Variants in DNAJB4 observed in about 807,000 individuals in gnomAD.
The protein encoded by DNAJB4 is dnaJ homolog subfamily B member 4.
DNAJB4 carries 10 observed loss-of-function variants against 26.6 expected under a neutral mutation model. The ratio of observed to expected loss-of-function variants is 0.38; its 90% CI spans 0.23 to 0.64. The LOEUF is 0.64. Ranked by LOEUF, DNAJB4 falls within the 30% of genes least tolerant of loss-of-function variation. The probability of loss-of-function intolerance (pLI) is 0.58; values close to 1 mark genes in which losing one functional copy is unlikely to be tolerated. For missense variants in DNAJB4, 328 were observed against 408.2 expected (o/e 0.80, Z 1.69); for synonymous variants, 136 against 134.8 (o/e 1.01, Z -0.06).
chr1:77,988,117 T>C (rs1659843887), intron 1 of DNAJB4, among the ~76,000 whole-genome samples: 1 of 147,238 alleles, frequency 6.8e-6, no homozygotes, highest in South Asian at 2.2e-4. Flanking sequence ...CTCAAACTCC[T>C]GTGCTCAAGC....
Position 78,013,630 on chromosome 1 carries a change from A to G in DNAJB4, c.780+11A>G, listed in dbSNP as rs774863543. ...ATTAGTTTACGAGAGGTAAGTTGGT[A>G]GGACCTAAAATCCTAAGACCAAATA... On this transcript the variant is annotated intron_variant, in intron 2 of 2. Coordinates refer to ENST00000370763, the MANE Select transcript of DNAJB4 (RefSeq NM_007034.5). The G allele has an allele frequency of 6.4e-7, 1 of 1,551,718 alleles. No individual in the cohort carries two copies. Among genetic ancestry groups the G allele is most frequent in the Non-Finnish European group, 8.6e-7 (1 of 1,156,300 alleles).
intron 1 of DNAJB4, chr1:77,980,340 TGTG>T (rs1246281124): frequency 6.3e-5 from 3 of 47,746 alleles, no homozygotes; most frequent in African/African-American, 4.0e-4. Context: ...TATATATATA[TGTG>T]TGTGTGTGTG....
At position 78,013,636 on chromosome 1, in the gene DNAJB4, T is replaced by A; in HGVS notation, c.780+17T>A. 1 of 1,534,022 alleles carries A rather than the reference T, an allele frequency of 6.5e-7. No homozygotes were observed. The highest frequency in any genetic ancestry group is 2.0e-5 in the Admixed American group (1 of 49,694). On this transcript the variant is annotated intron_variant, in intron 2 of 2. Transcript: ENST00000370763. ...TTACGAGAGGTAAGTTGGTAGGACC[T>A]AAAATCCTAAGACCAAATAATTATG...
At chr1:78,012,083 TAATTTATATACTTCAGCATGCCA>T in intron 1 of DNAJB4, among the ~76,000 whole-genome samples, 1 of 149,248 alleles carries the variant, frequency 6.7e-6, no homozygotes, top group Non-Finnish European at 1.5e-5. Flanking sequence ...GATACTTATA[TAATTTATATACTTCAGCATGCCA>T]GATCAGTAGT....
chr1:77,997,909 T>C (rs1226263509), intron 1 of DNAJB4, among the ~76,000 whole-genome samples: 1 of 152,128 alleles, frequency 6.6e-6, no homozygotes, highest in Non-Finnish European at 1.5e-5. Flanking sequence ...CACCTCAGCC[T>C]CCTGAGTAGC....
chr1:77,993,644 G>A (rs1303505805), intron 1 of DNAJB4, among the ~76,000 whole-genome samples: 1 of 152,022 alleles, frequency 6.6e-6, no homozygotes. Context: ...TTAAGGGTAG[G>A]GACTATGTAT....
chr1:77,979,954 C>T (rs1474041555), upstream of DNAJB4, among the ~76,000 whole-genome samples: 2 of 152,104 alleles, frequency 1.3e-5, no homozygotes, highest in African/African-American at 2.4e-5. Context: ...GCGGTCTCGG[C>T]TCACTGCATC....
At chr1:77,985,595 G>A (rs1659772835) in intron 1 of DNAJB4, among the ~76,000 whole-genome samples, 1 of 152,084 alleles carries the variant, frequency 6.6e-6, no homozygotes, top group Non-Finnish European at 1.5e-5. Flanking sequence ...TTAAGCTTTA[G>A]ACACCTTTTA....
In DNAJB4 at chr1:78,006,391, A is replaced by C. The variant is rs185804802; in HGVS notation, c.211+1070A>C. On this transcript the variant is annotated intron_variant, in intron 1 of 2. Transcript: ENST00000370763. Reference sequence around the variant, plus strand: ...TTATTTTATTATTAGTTTTTCTCCCAAAATACTGGCTTTCAAATCACTGTA... The same window carrying C: ...TTATTTTATTATTAGTTTTTCTCCCCAAATACTGGCTTTCAAATCACTGTA... 6.2e-3 allele frequency among the ~76,000 whole-genome samples: 940 copies of C among 152,306 alleles called. 10 individuals are homozygous for C. Among genetic ancestry groups the C allele is most frequent in the African/African-American group, 0.021 (885 of 41,564 alleles).
intron 1 of DNAJB4, among the ~76,000 whole-genome samples, chr1:77,995,642 C>T (rs189609468): frequency 1.3e-4 from 20 of 152,078 alleles, no homozygotes; most frequent in Admixed American, 7.9e-4. Flanking sequence ...TTTGTAGATA[C>T]GAGGTCTCAC....
chr1:77,985,305 C>G (rs1380368917), intron 1 of DNAJB4, among the ~76,000 whole-genome samples: 1 of 152,042 alleles, frequency 6.6e-6, no homozygotes, highest in Non-Finnish European at 1.5e-5. Context: ...ATTTCCATGT[C>G]TCTATTTATA....
Position 78,005,079 on chromosome 1 carries a change from G to A in DNAJB4, c.-32G>A. ...TGGGGACGCTGTTTTCTTTTACAAA[G>A]GGAAATCTAAGTTAATTTCAAGGCA... On this transcript the variant is annotated 5_prime_UTR_variant, in exon 1 of 3. Coordinates refer to ENST00000370763, the MANE Select transcript of DNAJB4 (RefSeq NM_007034.5). The A allele has an allele frequency of 1.3e-6, 2 of 1,596,608 alleles. No homozygotes were observed. The highest frequency in any genetic ancestry group is 8.5e-7 in the Non-Finnish European group (1 of 1,170,508).
At chr1:78,015,976 T>C in intron 2 of DNAJB4, 38 bp from the exon 3 acceptor site, 2 of 1,563,344 alleles carry the variant, frequency 1.3e-6, no homozygotes, top group Non-Finnish European at 1.7e-6. Context: ...TTTTGAGTTT[T>C]GAAGTGTTTT....
upstream of DNAJB4, among the ~76,000 whole-genome samples, chr1:78,003,565 C>T (rs1660243991): frequency 6.6e-6 from 1 of 152,136 alleles, no homozygotes; most frequent in Non-Finnish European, 1.5e-5. Context: ...ATATTCTAAA[C>T]ATATATGTAC....
At chr1:77,983,527 G>A (rs1266621364) in intron 1 of DNAJB4, among the ~76,000 whole-genome samples, 1 of 152,196 alleles carries the variant, frequency 6.6e-6, no homozygotes, top group Non-Finnish European at 1.5e-5. Context: ...CGTAGGCAGA[G>A]GTCCCTGCGG....
chr1:78,014,274 AT>A (rs1161396662), intron 2 of DNAJB4, among the ~76,000 whole-genome samples: 1 of 151,718 alleles, frequency 6.6e-6, no homozygotes, highest in East Asian at 1.9e-4. Context: ...CACCTGGCTA[AT>A]TTTTGTATTT....
intron 1 of DNAJB4, among the ~76,000 whole-genome samples, chr1:78,011,413 AAAC>A (rs1348319857): frequency 6.6e-6 from 1 of 152,178 alleles, no homozygotes; most frequent in Non-Finnish European, 1.5e-5. Context: ...AGTGTCTAAA[AAAC>A]CATTTTTCAT....
chr1:78,012,973 A>C (rs1660530996), intron 1 of DNAJB4, 78 bp from the exon 2 acceptor site: 27 of 1,315,140 alleles, frequency 2.1e-5, no homozygotes, highest in Admixed American at 2.9e-5. Context: ...GCCAAAATTT[A>C]TTAGCAATAC....
chr1:78,013,066 C>G lies in DNAJB4; in HGVS notation c.227C>G (p.Ala76Gly). ...CTTCAATTAGGGTTGAAAGGAGGAG[C>G]AGGAGGTACTGATGGACAAGGAGGT... is the stretch of plus-strand genomic sequence containing the variant. ...QFGEEGLKGG[A>G]GGTDGQGGTF... is the part of the protein sequence containing the mutation. Residue 76 changes from alanine to glycine, a missense_variant, in exon 2 of 3, where the codon GCA becomes GGA. Ala to Gly is a moderately conservative substitution (Grantham distance 60). Transcript: ENST00000370763. 2 of 1,607,172 alleles carry G rather than the reference C, an allele frequency of 1.2e-6. No individual in the cohort carries two copies. Among genetic ancestry groups the G allele is most frequent in the Non-Finnish European group, 1.7e-6 (2 of 1,176,770 alleles).
Sources: gnomAD v4.1 joint callset for allele counts (sites outside exome capture counted in the v4.1 genomes callset) on GRCh38, gnomAD v4.1.1 for gene constraint, MANE v1.5 for transcripts, NCBI Gene and HGNC (gene_info 2026-07-23, HGNC 2026-07-21) for gene names.